Variants in SMG1 observed in about 807,000 individuals in gnomAD.
The protein encoded by SMG1 is SMG1 nonsense mediated mRNA decay associated PI3K related kinase.
SMG1 carries 22 observed loss-of-function variants against 419.9 expected under a neutral mutation model. That is an observed-to-expected ratio of 0.05 (90% CI 0.04 to 0.07). SMG1 has a LOEUF of 0.07. SMG1 is among the 10% of genes least tolerant of loss of function. The pLI is 1.00. For synonymous variants in SMG1, 1,538 were observed against 1,553.5 expected (o/e 0.99, Z 0.23); for missense variants, 3,185 against 4,342.0 (o/e 0.73, Z 7.49).
rs972237356 is a variant in SMG1 at position 18,806,686 on chromosome 16, G to C, written c.*2883C>G. 4 of 152,160 alleles carry C rather than the reference G, an allele frequency of 2.6e-5. No individual in the cohort carries two copies. The highest frequency in any genetic ancestry group is 1.3e-4 in the Admixed American group (2 of 15,270). The allele number at this position is 152,160 out of a possible 1,614,324, so 9.4% of individuals were successfully genotyped here. A position where few individuals can be genotyped will look rare whatever the true frequency, so the allele number is the denominator to read the frequency against. On this transcript the variant is annotated 3_prime_UTR_variant, in exon 63 of 63. Transcript: ENST00000446231. ...CAAGGGTACTTTGAAGAGGTTGTTTGTAGGTTATTCTGTACCCCCTGATTC... is the reference window on the plus strand; with the variant it reads ...CAAGGGTACTTTGAAGAGGTTGTTTCTAGGTTATTCTGTACCCCCTGATTC...
intron 55 of SMG1, 102 bp downstream of exon 55, chr16:18,827,929 G>A: frequency 8.3e-7 from 1 of 1,201,630 alleles, no homozygotes; most frequent in African/African-American, 1.5e-5. Context: ...TACAAGCCAA[G>A]GACACACAAA....
chr16:18,872,082 C>G, intron 15 of SMG1, 102 bp downstream of exon 15: 1 of 655,652 alleles, frequency 1.5e-6, no homozygotes, highest in South Asian at 2.9e-5. Flanking sequence ...CCTCTATAAT[C>G]CACATTTTTA....
At chr16:18,894,424 C>G (rs548800057) in intron 3 of SMG1, among the ~76,000 whole-genome samples, 5 of 152,228 alleles carry the variant, frequency 3.3e-5, no homozygotes, top group African/African-American at 1.2e-4. Context: ...AATTCTGTCA[C>G]TAGCAAACTA....
Position 18,838,235 on chromosome 16 carries a change from G to A in SMG1, c.7195-3C>T, listed in dbSNP as rs369901278. The A allele has an allele frequency of 2.5e-6, 4 of 1,609,416 alleles. No homozygotes were observed. Among genetic ancestry groups the A allele is most frequent in the African/African-American group, 2.7e-5 (2 of 74,860 alleles). On this transcript the variant is annotated splice_region_variant and splice_polypyrimidine_tract_variant and intron_variant, in intron 44 of 62. Coordinates refer to ENST00000446231, the MANE Select transcript of SMG1 (RefSeq NM_015092.5). ...CCACGCCGCATAATGTGTAAAACCT[G>A]TTTTCAGGAGAGTTTTTAAAATAAG...
In SMG1 at chr16:18,835,977, G is replaced by A. The variant is rs2033542093; in HGVS notation, c.8013C>T (p.Leu2671=). The change falls in exon 48 of 63, where the codon CTC becomes CTT. Residue 2671 remains leucine (L), a synonymous_variant. Coordinates refer to ENST00000446231, the MANE Select transcript of SMG1 (RefSeq NM_015092.5). ...IEQWKTWMEE[L]ICNTTVERCQ... The stretch of plus-strand genomic sequence containing the variant: ...AACGCTCTACTGTGGTGTTACAGAT[G>A]AGCTCTTCCATCCAGGTCTTCCACT... 1 of 1,554,046 alleles carries A rather than the reference G, an allele frequency of 6.4e-7. No homozygotes were observed. Among genetic ancestry groups the A allele is most frequent in the Non-Finnish European group, 8.7e-7 (1 of 1,148,032 alleles).
At chr16:18,902,584 C>T (rs1238141287) in intron 1 of SMG1, among the ~76,000 whole-genome samples, 1 of 151,924 alleles carries the variant, frequency 6.6e-6, no homozygotes, top group African/African-American at 2.4e-5. Flanking sequence ...CCCATAGATC[C>T]AGCAACTCAG....
intron 39 of SMG1, among the ~76,000 whole-genome samples, chr16:18,843,954 T>C (rs1320701041): frequency 6.6e-6 from 1 of 152,162 alleles, no homozygotes; most frequent in Non-Finnish European, 1.5e-5. Flanking sequence ...TATTCTTAAT[T>C]TTTAAAATTA....
chr16:18,814,028 T>C (rs1355253847), intron 60 of SMG1, among the ~76,000 whole-genome samples: 1 of 16,950 alleles, frequency 5.9e-5, no homozygotes, highest in African/African-American at 2.0e-4. Context: ...GAGACTCATC[T>C]CAAAAAAAAA....
chr16:18,836,853 G>C (rs769710669), intron 46 of SMG1, among the ~76,000 whole-genome samples: 1 of 152,136 alleles, frequency 6.6e-6, no homozygotes, highest in Non-Finnish European at 1.5e-5. Context: ...CCCTTTTACT[G>C]AGCACCTGCT....
rs1241142235 is a variant in SMG1 at position 18,841,577 on chromosome 16, T to C, written c.6684A>G (p.Leu2228=). 2.5e-6 allele frequency: 4 copies of C among 1,612,708 alleles called. No individual in the cohort carries two copies. In the African/African-American group the frequency reaches 5.4e-5, roughly 22 times the overall value. ...TGATTTAATCAACCTTTTGTGCTTG[T>C]AAGGCAGCTTCCCGTTGTTGCCATC... ...YKRWQQREAA[L]QAQKAQDSYQ... is the part of the protein sequence containing the mutation. The change falls in exon 41 of 63, where the codon TTA becomes TTG. Residue 2228 remains leucine, a synonymous_variant. Transcript: ENST00000446231.
intron 1 of SMG1, among the ~76,000 whole-genome samples, chr16:18,897,372 T>A (rs1240510120): frequency 1.3e-5 from 2 of 152,146 alleles, no homozygotes; most frequent in Non-Finnish European, 2.9e-5. Context: ...AGTCAAAAAA[T>A]TTCAGCCTTT....
chr16:18,834,826 A>AC, intron 49 of SMG1, 66 bp downstream of exon 49: 1 of 1,518,528 alleles, frequency 6.6e-7, no homozygotes, highest in South Asian at 1.2e-5. Flanking sequence ...AAGTAAAAGA[A>AC]CATTTTAGGT....
At position 18,858,123 on chromosome 16, in the gene SMG1, A is replaced by G. The variant is rs960580850; in HGVS notation, c.4234+47T>C. 7 of 1,504,538 alleles carry G rather than the reference A, an allele frequency of 4.7e-6. No homozygotes were observed. The African/African-American group carries it at 7.1e-5, about 15-fold the overall frequency. The allele number at this position is 1,504,538 out of a possible 1,614,324, so 93.2% of individuals were successfully genotyped here. ...AAACCTCAATAAAGCAAAATTTAAA[A>G]AAAGAACACCTTTAATTTTCTCTTA... On this transcript the variant is annotated intron_variant, in intron 29 of 62. Transcript: ENST00000446231.
chr16:18,919,870 G>A (rs886335027), intron 1 of SMG1, among the ~76,000 whole-genome samples: 5 of 152,016 alleles, frequency 3.3e-5, no homozygotes, highest in African/African-American at 1.2e-4. Flanking sequence ...GAGAAGCCGA[G>A]GTGGGAACCT....
rs1469664340 is a variant in SMG1, at chr16:18,834,321, G to A, written c.8448C>T (p.Thr2816=). 1 of 1,613,504 alleles carries A rather than the reference G, an allele frequency of 6.2e-7. No individual in the cohort carries two copies. Residue 2816 remains threonine (T), a synonymous_variant, in exon 50 of 63, where the codon ACC becomes ACT. Transcript: ENST00000446231. ...ACTGCTTCAGTAACTGAACCAAGCA[G>A]GTGACGTTTCCGCTCATACTGCAGA... ...EELCSMSGNV[T]CLVQLLKQCH...
intron 57 of SMG1, among the ~76,000 whole-genome samples, 151 bp from the exon 58 acceptor site, chr16:18,816,680 TAAC>T (rs2032031845): frequency 1.3e-5 from 2 of 152,222 alleles, no homozygotes; most frequent in South Asian, 2.1e-4. Flanking sequence ...ACAAGTTACT[TAAC>T]AATAATCTCA....
At position 18,849,431 on chromosome 16, in the gene SMG1, A is replaced by G. The variant is rs2034468129; in HGVS notation, c.5462-53T>C. ...TTTAAAGTTATTTAAAACTATGAAG[A>G]AACTATCAGCATCGTAGATCAAACA... On this transcript the variant is annotated intron_variant, in intron 35 of 62. Coordinates refer to ENST00000446231, the MANE Select transcript of SMG1 (RefSeq NM_015092.5). 6 of 1,512,644 alleles carry G rather than the reference A, an allele frequency of 4.0e-6. No individual in the cohort carries two copies. The Admixed American group carries it at 9.0e-5, about 23-fold the overall frequency. The allele number at this position is 1,512,644 out of a possible 1,614,324, so 93.7% of individuals were successfully genotyped here.
intron 1 of SMG1, among the ~76,000 whole-genome samples, chr16:18,918,467 TCA>T (rs988003185): frequency 2.0e-5 from 3 of 152,174 alleles, no homozygotes; most frequent in Non-Finnish European, 4.4e-5. Context: ...TCCCCCAAAT[TCA>T]CAGTGAAAAT....
At position 18,896,908 on chromosome 16, in the gene SMG1, G is replaced by C. The variant is rs1371140553; in HGVS notation, c.141C>G (p.Ser47=). 6.3e-7 allele frequency: 1 copy of C among 1,599,398 alleles called. No homozygotes were observed. The highest frequency in any genetic ancestry group is 1.7e-5 in the Admixed American group (1 of 58,278). The change falls in exon 2 of 63, where the codon TCC becomes TCG. Residue 47 remains serine (S), a synonymous_variant. Transcript: ENST00000446231. ...AAGAGGAAGAACCACCTCTATCTCT[G>C]GATGAAGAATATTTTAAATTATCTG... ...ADPDNLKYSS[S]RDRGGSSSYG...
Sources: gnomAD v4.1 joint callset for allele counts (sites outside exome capture counted in the v4.1 genomes callset) on GRCh38, gnomAD v4.1.1 for gene constraint, MANE v1.5 for transcripts, NCBI Gene and HGNC (gene_info 2026-07-23, HGNC 2026-07-21) for gene names.